Variants in URI1 observed in about 807,000 individuals in gnomAD.
URI1 encodes unconventional prefoldin RPB5 interactor 1.
In URI1, 39 loss-of-function variants were observed where a neutral mutation model predicts 60.2. The observed-to-expected ratio is 0.65, with a 90% confidence interval of 0.50 to 0.85. URI1 has a LOEUF of 0.85. Ranked by LOEUF, URI1 falls within the 40% of genes least tolerant of loss-of-function variation. The pLI, the probability that URI1 is intolerant of heterozygous loss-of-function variation, is 0.00. For synonymous variants in URI1, 251 were observed against 236.8 expected (o/e 1.06, Z -0.55); for missense variants, 691 against 665.9 (o/e 1.04, Z -0.42).
upstream of URI1, among the ~76,000 whole-genome samples, chr19:29,939,278 AT>A (rs771247218): frequency 0.022 from 2,915 of 129,588 alleles, 58 homozygotes; most frequent in African/African-American, 0.062. Context: ...CGCCTTGCCA[AT>A]TTTTTTTTTT....
At chr19:29,985,045 G>A (rs1258342087) in intron 2 of URI1, among the ~76,000 whole-genome samples, 178 bp from the exon 3 acceptor site, 3 of 147,822 alleles carry the variant, frequency 2.0e-5, no homozygotes, top group African/African-American at 5.0e-5. Flanking sequence ...GCTTGAACCC[G>A]GGAGGTGGAG....
In URI1 at chr19:30,015,865, A is replaced by AG. The variant is rs757366398; in HGVS notation, c.*798dup. The AG allele has an allele frequency of 1.5e-5, 5 of 330,438 alleles. No individual in the cohort carries two copies. Among genetic ancestry groups the AG allele is most frequent in the Admixed American group, 4.7e-5 (1 of 21,176 alleles). The allele number at this position is 330,438 out of a possible 1,614,324, so 20.5% of individuals were successfully genotyped here. On this transcript the variant is annotated 3_prime_UTR_variant, in exon 11 of 11. Transcript: ENST00000392271. ...CACTGGGATTATGTTTTGGGAAACA[A>AG]GGAAAGGTCTAGATGCTTAAACATT... is the stretch of plus-strand genomic sequence containing the variant.
At chr19:30,006,290 A>C (rs1342720119) in intron 6 of URI1, among the ~76,000 whole-genome samples, 1 of 152,090 alleles carries the variant, frequency 6.6e-6, no homozygotes, top group African/African-American at 2.4e-5. Context: ...ACGGTAGTGA[A>C]ATTGTAAAAA....
intron 1 of URI1, among the ~76,000 whole-genome samples, chr19:29,927,102 T>C (rs61340893): frequency 0.18 from 27,769 of 152,052 alleles, 3,419 homozygotes; most frequent in East Asian, 0.33. Context: ...GCTACTGGAC[T>C]TCCCAGGTGA....
chr19:29,980,626 A>AAC (rs2055582904), intron 2 of URI1, among the ~76,000 whole-genome samples: 1 of 145,610 alleles, frequency 6.9e-6, no homozygotes, highest in Non-Finnish European at 1.5e-5. Context: ...AAAAAAAAAA[A>AAC]AAAAAAAAAA....
intron 4 of URI1, among the ~76,000 whole-genome samples, chr19:30,002,970 C>T (rs2055896617): frequency 6.6e-6 from 1 of 151,818 alleles, no homozygotes; most frequent in African/African-American, 2.4e-5. Flanking sequence ...TTAAATGATC[C>T]ATTTTTAGTG....
At position 30,015,261 on chromosome 19, in the gene URI1, T is replaced by C; in HGVS notation, c.*192T>C. On this transcript the variant is annotated 3_prime_UTR_variant, in exon 11 of 11. Transcript: ENST00000392271. ...CTGTCTGAATACTTTAATATCAGCT[T>C]GTTTTGTGAATTCTCTGAATACTGT... The C allele has an allele frequency of 7.1e-7, 1 of 1,412,186 alleles. No individual in the cohort carries two copies. The highest frequency in any genetic ancestry group is 9.2e-7 in the Non-Finnish European group (1 of 1,088,062). 87.5% of individuals were successfully genotyped at this position (1,412,186 alleles called of 1,614,324 possible).
At chr19:29,966,027 A>C (rs1024447497) in intron 1 of URI1, among the ~76,000 whole-genome samples, 10 of 152,254 alleles carry the variant, frequency 6.6e-5, no homozygotes, top group African/African-American at 2.4e-4. Context: ...TGTTTTCAGA[A>C]GTGGCTCCAT....
chr19:30,005,442 A>G lies in URI1; in HGVS notation c.449A>G (p.Lys150Arg), dbSNP rs751214399. 1.9e-6 allele frequency: 3 copies of G among 1,598,384 alleles called. No homozygotes were observed. The highest frequency in any genetic ancestry group is 3.6e-5 in the Admixed American group (2 of 55,970). Residue 150 changes from lysine to arginine, a missense_variant, in exon 5 of 11, where the codon AAA becomes AGA. Lys to Arg is a conservative substitution (Grantham distance 26). Transcript: ENST00000392271. Reference protein sequence around the residue: ...SRVEFTEDLQKMSDAAGDIVD... With the variant: ...SRVEFTEDLQRMSDAAGDIVD... ...GTTGAATTCACAGAAGATTTGCAGA[A>G]AATGAGCGATGTGAGTATTTGTTTT...
chr19:29,976,992 G>C (rs1335437886), intron 2 of URI1, among the ~76,000 whole-genome samples: 1 of 152,104 alleles, frequency 6.6e-6, no homozygotes, highest in Non-Finnish European at 1.5e-5. Flanking sequence ...TTTTTCAAAG[G>C]AAACTGGACA....
chr19:29,938,068 GC>G (rs1276573640), upstream of URI1: 15 of 152,166 alleles, frequency 9.9e-5, no homozygotes, highest in African/African-American at 3.6e-4. Context: ...TATTGGCCAG[GC>G]TGGTCTCGAA....
At chr19:29,958,641 CTTTTCTTTTCTT>C (rs1408910476) in intron 1 of URI1, among the ~76,000 whole-genome samples, 2 of 151,946 alleles carry the variant, frequency 1.3e-5, no homozygotes, top group Non-Finnish European at 2.9e-5. Context: ...GTAATTCTTT[CTTTTCTTTTCTT>C]TTTTCTTTTT....
intron 2 of URI1, among the ~76,000 whole-genome samples, chr19:29,973,170 C>T (rs1463485589): frequency 6.6e-6 from 1 of 152,084 alleles, no homozygotes; most frequent in Non-Finnish European, 1.5e-5. Flanking sequence ...TTTGCATTCT[C>T]TTAATTCCTC....
intron 1 of URI1, among the ~76,000 whole-genome samples, chr19:29,964,906 T>C (rs1197100296): frequency 5.3e-5 from 8 of 151,934 alleles, no homozygotes; most frequent in Admixed American, 2.0e-4. Flanking sequence ...GGACTGTTTG[T>C]TTCCTTTGAG....
chr19:29,977,341 C>T (rs1217281557), intron 2 of URI1, among the ~76,000 whole-genome samples: 1 of 151,836 alleles, frequency 6.6e-6, no homozygotes, highest in Non-Finnish European at 1.5e-5. Context: ...CTTGAGTTGC[C>T]TTCACATGCT....
Position 30,012,370 on chromosome 19 carries a change from G to C in URI1, c.1264G>C (p.Asp422His). 1 of 1,614,174 alleles carries C rather than the reference G, an allele frequency of 6.2e-7. No homozygotes were observed. The highest frequency in any genetic ancestry group is 8.5e-7 in the Non-Finnish European group (1 of 1,180,028). The change falls in exon 10 of 11, where the codon GAC becomes CAC. Residue 422 changes from aspartate to histidine, a missense_variant. Physicochemically the swap from Asp to His is moderately conservative, Grantham distance 81. Transcript: ENST00000392271. ...AAGTAGAGAGAATAGTGTGTGTAGC[G>C]ACACTAGTGAAAGCAGTGCTGCTGA... The part of the protein sequence containing the change: ...SRSRENSVCS[D>H]TSESSAAEFD...
intron 7 of URI1, 110 bp downstream of exon 7, chr19:30,007,748 G>T: frequency 1.1e-6 from 1 of 913,444 alleles, no homozygotes; most frequent in Non-Finnish European, 1.6e-6. Context: ...GAAAATGCAG[G>T]GAAGCATAAT....
chr19:29,956,067 C>T (rs1478032523), intron 1 of URI1, among the ~76,000 whole-genome samples: 1 of 148,758 alleles, frequency 6.7e-6, no homozygotes, highest in Non-Finnish European at 1.5e-5. Flanking sequence ...TCATTGCAAC[C>T]TCCACATCCT....
chr19:30,012,580 C>T (rs1476681216), intron 10 of URI1, 49 bp downstream of exon 10: 5 of 1,579,614 alleles, frequency 3.2e-6, no homozygotes, highest in Non-Finnish European at 4.3e-6. Context: ...TATCTTTGAC[C>T]AGTTTTAGCT....
Sources: allele counts gnomAD v4.1 joint callset (sites outside exome capture counted in the v4.1 genomes callset), GRCh38; gene constraint gnomAD v4.1.1; transcripts MANE v1.5; gene names NCBI Gene and HGNC (gene_info 2026-07-23, HGNC 2026-07-21).